PODXL: variants seen among roughly 807,000 people sequenced by gnomAD.
The protein encoded by PODXL is podocalyxin like.
PODXL carries 20 observed loss-of-function variants against 48.9 expected under a neutral mutation model. The ratio of observed to expected loss-of-function variants is 0.41; its 90% CI spans 0.29 to 0.59. The LOEUF is 0.59. PODXL is among the 20% of genes least tolerant of loss of function. PODXL has a pLI of 0.31. For synonymous variants in PODXL, 295 were observed against 287.4 expected, an observed-to-expected ratio of 1.03 and a Z score of -0.27; for missense variants, 606 against 675.1, an observed-to-expected ratio of 0.90 and a Z score of 1.13.
chr7:131,534,066 C>G (rs1241858846), intron 1 of PODXL, among the ~76,000 whole-genome samples: 2 of 152,158 alleles, frequency 1.3e-5, no homozygotes, highest in Admixed American at 6.5e-5. Flanking sequence ...CCTCCCCTTA[C>G]CCGTTAGAGC....
chr7:131,515,432 G>C (rs557754013), intron 1 of PODXL, among the ~76,000 whole-genome samples: 35 of 151,892 alleles, frequency 2.3e-4, no homozygotes, highest in Non-Finnish European at 4.3e-4. Context: ...ACAGAGTTTC[G>C]CTCCTGTCGC....
intron 1 of PODXL, among the ~76,000 whole-genome samples, chr7:131,516,395 C>T (rs371400503): frequency 7.2e-5 from 11 of 152,076 alleles, no homozygotes; most frequent in Non-Finnish European, 7.4e-5. Context: ...AAAAATTAGC[C>T]GGGCGTGTTG....
At chr7:131,539,692 G>C (rs1185646901) in intron 1 of PODXL, among the ~76,000 whole-genome samples, 1 of 152,208 alleles carries the variant, frequency 6.6e-6, no homozygotes, top group Non-Finnish European at 1.5e-5. Context: ...GGGCGGGGCT[G>C]GAAGAAGGGG....
chr7:131,508,911 T>G, intron 5 of PODXL, 40 bp downstream of exon 5: 1 of 1,398,740 alleles, frequency 7.1e-7, no homozygotes, highest in Non-Finnish European at 1.0e-6. Flanking sequence ...AGCCCTGCTG[T>G]GAGCCTGCAC....
At chr7:131,505,168 C>G (rs1033902745) in intron 8 of PODXL, among the ~76,000 whole-genome samples, 2 of 152,130 alleles carry the variant, frequency 1.3e-5, no homozygotes, top group African/African-American at 4.8e-5. Context: ...ACCATCATGG[C>G]GAGAATTCTA....
At chr7:131,541,025 C>A (rs543718973) in intron 1 of PODXL, among the ~76,000 whole-genome samples, 1 of 152,154 alleles carries the variant, frequency 6.6e-6, no homozygotes, top group Admixed American at 6.5e-5. Flanking sequence ...TCTGTCCTGG[C>A]GAGAATTCTC....
chr7:131,534,226 G>A (rs925532719), intron 1 of PODXL, among the ~76,000 whole-genome samples: 3 of 152,170 alleles, frequency 2.0e-5, no homozygotes, highest in African/African-American at 7.2e-5. Flanking sequence ...TCTGGGGAGG[G>A]GAGAAGATGA....
Position 131,532,123 on chromosome 7 carries a change from A to C in PODXL, c.101-20690T>G, listed in dbSNP as rs540001847. 4.9e-3 allele frequency among the ~76,000 whole-genome samples: 730 copies of C among 147,946 alleles called. 11 individuals are homozygous for C. Among genetic ancestry groups the C allele is most frequent in the African/African-American group, 0.017 (685 of 40,362 alleles). On this transcript the variant is annotated intron_variant, in intron 1 of 8. Coordinates refer to ENST00000378555, the MANE Select transcript of PODXL (RefSeq NM_001018111.3). ...ATCTCAAAATAATAATAATAATAAT[A>C]ATCATCATCATCATCATCATCATCA...
chr7:131,511,009 T>C lies in PODXL; in HGVS notation c.525A>G (p.Ala175=), dbSNP rs149436804. The C allele has an allele frequency of 5.6e-6, 9 of 1,614,076 alleles. No homozygotes were observed. The African/African-American group carries it at 1.2e-4, about 22-fold the overall frequency. The change falls in exon 2 of 9, where the codon GCA becomes GCG. Residue 175 remains alanine (A), a synonymous_variant. Transcript: ENST00000378555. ...SVTTDLTSTK[A]EHLTTPHPTS... is the part of the protein sequence containing the mutation. ...TAGGGTGAGGGGTCGTCAGATGTTC[T>C]GCCTTAGTGGATGTGAGGTCTGTGG... is the stretch of plus-strand genomic sequence containing the variant.
intron 1 of PODXL, among the ~76,000 whole-genome samples, chr7:131,548,446 T>G (rs528978620): frequency 6.6e-6 from 1 of 152,336 alleles, no homozygotes; most frequent in East Asian, 1.9e-4. Context: ...CATGCTAAGT[T>G]CTGTTCAACA....
chr7:131,512,257 G>A (rs1443787280), intron 1 of PODXL, among the ~76,000 whole-genome samples: 1 of 152,146 alleles, frequency 6.6e-6, no homozygotes, highest in East Asian at 1.9e-4. Context: ...TGGTGAACAC[G>A]ACACAGAGAG....
Position 131,501,211 on chromosome 7 carries a change from TC to T in PODXL, c.*3099del, listed in dbSNP as rs1797697501. On this transcript the variant is annotated 3_prime_UTR_variant, in exon 9 of 9. Coordinates refer to ENST00000378555, the MANE Select transcript of PODXL (RefSeq NM_001018111.3). ...AAAAAAAAAATCAAGCAAAAACTTG[TC>T]ATTTCCAGTAAGACATTTACATTCC... is the stretch of plus-strand genomic sequence containing the variant. 6.6e-6 allele frequency: 1 copy of T among 152,608 alleles called. No individual in the cohort carries two copies. The highest frequency in any genetic ancestry group is 2.1e-4 in the South Asian group (1 of 4,826). 9.5% of individuals were successfully genotyped at this position (152,608 alleles called of 1,614,324 possible).
chr7:131,546,516 G>A (rs982307950), intron 1 of PODXL, among the ~76,000 whole-genome samples: 9 of 151,768 alleles, frequency 5.9e-5, no homozygotes, highest in South Asian at 2.1e-4. Flanking sequence ...ACTTGAGGCC[G>A]GGAATTCAAG....
At chr7:131,508,871 G>C (rs2116785502) in intron 5 of PODXL, 80 bp downstream of exon 5, 1 of 1,018,474 alleles carries the variant, frequency 9.8e-7, no homozygotes, top group Non-Finnish European at 1.6e-6. Flanking sequence ...AATGCACCTA[G>C]AAAGAACATA....
At chr7:131,540,355 A>G (rs968005652) in intron 1 of PODXL, among the ~76,000 whole-genome samples, 4 of 151,920 alleles carry the variant, frequency 2.6e-5, no homozygotes, top group Non-Finnish European at 5.9e-5. Flanking sequence ...CCTATTATGT[A>G]CCTCGTTCAG....
rs1797909642 is a variant in PODXL at position 131,511,282 on chromosome 7, A to G, written c.252T>C (p.Gly84=). ...TAGTCCCCGGTGAGTCACTGGATAC[A>G]CCAAGGGTGGTCGCCTTGACCGAGG... ...ILASVKATTL[G]VSSDSPGTTT... is the part of the protein sequence containing the mutation. Residue 84 remains glycine, a synonymous_variant, in exon 2 of 9, where the codon GGT becomes GGC. Coordinates refer to ENST00000378555, the MANE Select transcript of PODXL (RefSeq NM_001018111.3). The G allele has an allele frequency of 6.2e-7, 1 of 1,613,842 alleles. No homozygotes were observed. The highest frequency in any genetic ancestry group is 1.6e-4 in the Middle Eastern group (1 of 6,062).
At chr7:131,514,431 C>A (rs1049693508) in intron 1 of PODXL, among the ~76,000 whole-genome samples, 1 of 151,492 alleles carries the variant, frequency 6.6e-6, no homozygotes, top group African/African-American at 2.4e-5. Context: ...AGTGGGGTGG[C>A]GGGGGGAACA....
intron 1 of PODXL, among the ~76,000 whole-genome samples, chr7:131,535,478 C>T (rs1364707511): frequency 2.0e-5 from 3 of 152,178 alleles, no homozygotes; most frequent in African/African-American, 4.8e-5. Flanking sequence ...GGAAAGAACA[C>T]CCTCTCGTGT....
chr7:131,543,886 C>T (rs1798522261), intron 1 of PODXL, among the ~76,000 whole-genome samples: 1 of 152,144 alleles, frequency 6.6e-6, no homozygotes, highest in African/African-American at 2.4e-5. Context: ...CAGCCATTCC[C>T]AATGGCTGAG....
Sources: allele counts gnomAD v4.1 joint callset (sites outside exome capture counted in the v4.1 genomes callset), GRCh38; gene constraint gnomAD v4.1.1; transcripts MANE v1.5; gene names NCBI Gene and HGNC (gene_info 2026-07-23, HGNC 2026-07-21).